SCARB1: variants seen among roughly 807,000 people sequenced by gnomAD.
SCARB1 encodes scavenger receptor class B member 1.
Under a neutral mutation model 57.2 loss-of-function variants are expected in SCARB1, and 30 were observed. The observed-to-expected ratio is 0.52, with a 90% confidence interval of 0.39 to 0.71. The LOEUF (loss-of-function observed/expected upper bound fraction) is 0.71, where lower values mean the gene tolerates loss of function less well. Among genes scored for constraint, SCARB1 ranks in the 30% least tolerant of loss-of-function variants. SCARB1 has a pLI of 0.00. For synonymous variants in SCARB1, 249 were observed against 268.3 expected (o/e 0.93, Z 0.70); for missense variants, 543 against 671.2 (o/e 0.81, Z 2.11).
In SCARB1 at chr12:124,807,691, G is replaced by C; in HGVS notation, c.1009+70C>G. The C allele has an allele frequency of 2.8e-6, 4 of 1,454,160 alleles. No homozygotes were observed. Among genetic ancestry groups the C allele is most frequent in the Non-Finnish European group, 3.8e-6 (4 of 1,040,546 alleles). 90.1% of individuals were successfully genotyped at this position (1,454,160 alleles called of 1,614,324 possible). A position where few individuals can be genotyped will look rare whatever the true frequency, so the allele number is the denominator to read the frequency against. ...GCCAGAGATTAAGCAGACAGCACTG[G>C]GCAGATAAACCCTCAGCTGGCCCCA... is the stretch of plus-strand genomic sequence containing the variant. On this transcript the variant is annotated intron_variant, in intron 7 of 12. Transcript: ENST00000261693. The surrounding 1 kb of genome is among the most constrained non-coding windows in gnomAD (Gnocchi z 5.3).
intron 7 of SCARB1, among the ~76,000 whole-genome samples, chr12:124,804,449 T>G (rs1297896656): frequency 2.0e-5 from 3 of 152,186 alleles, no homozygotes; most frequent in Non-Finnish European, 2.9e-5. Flanking sequence ...GCCCTGGAAT[T>G]TTTCATTACG....
chr12:124,802,948 G>A (rs753996597), intron 7 of SCARB1, among the ~76,000 whole-genome samples: 1 of 152,110 alleles, frequency 6.6e-6, no homozygotes, highest in Non-Finnish European at 1.5e-5. Context: ...CCACGGTCAC[G>A]GTCGAAAAAC....
chr12:124,804,493 G>T (rs543839771), intron 7 of SCARB1, among the ~76,000 whole-genome samples: 13 of 152,304 alleles, frequency 8.5e-5, no homozygotes, highest in African/African-American at 2.4e-4. Context: ...CCTAAATCAG[G>T]TGGAGTCCAG....
intron 1 of SCARB1, among the ~76,000 whole-genome samples, chr12:124,818,519 T>A (rs917731974): frequency 3.9e-5 from 6 of 152,204 alleles, no homozygotes; most frequent in African/African-American, 7.2e-5. Context: ...CAGGCTGGAG[T>A]GCAGTGGCAT....
chr12:124,844,490 C>T lies in SCARB1; in HGVS notation c.126+19105G>A, dbSNP rs983642075. 3.9e-5 allele frequency among the ~76,000 whole-genome samples: 6 copies of T among 152,162 alleles called. No homozygotes were observed. The East Asian group carries it at 1.2e-3, about 29-fold the overall frequency. ...CCCCCCAAAATTCCCATGTTGCAGC[C>T]CTAACCCTCGGTGCATCAGAATGTG... On this transcript the variant is annotated intron_variant, in intron 1 of 12. Coordinates refer to ENST00000261693, the MANE Select transcript of SCARB1 (RefSeq NM_005505.5).
chr12:124,816,822 G>A (rs980171304), intron 2 of SCARB1, among the ~76,000 whole-genome samples: 2 of 152,002 alleles, frequency 1.3e-5, no homozygotes, highest in Admixed American at 6.6e-5. Context: ...GTCTGCAGAC[G>A]GGCAAACTGA....
chr12:124,848,483 CCTT>C (rs1336163021), intron 1 of SCARB1, among the ~76,000 whole-genome samples: 1 of 147,728 alleles, frequency 6.8e-6, no homozygotes, highest in African/African-American at 2.5e-5. Flanking sequence ...ATCCTCGTGG[CCTT>C]CTTGAGTGGG....
intron 9 of SCARB1, among the ~76,000 whole-genome samples, chr12:124,792,681 C>T (rs1324134664): frequency 7.1e-6 from 1 of 140,996 alleles, no homozygotes. Context: ...GAGATCATGC[C>T]ACTGCACTCT....
At chr12:124,799,076 G>A (rs1419970355) in intron 8 of SCARB1, among the ~76,000 whole-genome samples, 1 of 152,184 alleles carries the variant, frequency 6.6e-6, no homozygotes, top group Non-Finnish European at 1.5e-5. Context: ...GTTGCTGACA[G>A]TAGATTTTAA....
chr12:124,838,341 TC>T (rs1951775398), intron 1 of SCARB1, among the ~76,000 whole-genome samples: 1 of 151,938 alleles, frequency 6.6e-6, no homozygotes, highest in South Asian at 2.1e-4. Context: ...CGTGACTGCC[TC>T]CCCATCCTCC....
At chr12:124,852,758 A>C (rs2135833376) in intron 1 of SCARB1, among the ~76,000 whole-genome samples, 1 of 152,366 alleles carries the variant, frequency 6.6e-6, no homozygotes, top group East Asian at 1.9e-4. Context: ...CAGATGGCGC[A>C]AGCCAGGCGC....
intron 11 of SCARB1, chr12:124,786,114 C>T (rs1245616923): frequency 2.0e-6 from 3 of 1,536,560 alleles, no homozygotes; most frequent in Non-Finnish European, 2.6e-6. Flanking sequence ...CACCTGTGCC[C>T]CCTCCAAGGG....
At chr12:124,833,792 G>T (rs1951516926) in intron 1 of SCARB1, among the ~76,000 whole-genome samples, 1 of 152,214 alleles carries the variant, frequency 6.6e-6, no homozygotes. Flanking sequence ...CTCTTTAATG[G>T]GAAGCTCCAC....
rs532320598 is a variant in SCARB1, at chr12:124,815,075, G to A, written c.324C>T (p.Asn108=). The part of the protein sequence containing the change: ...RHKSNITFNN[N]DTVSFLEYRT... ...GGTACTCGAGGAAGGACACGGTGTC[G>A]TTGTTGTTGAAGGTGATGTTGCTTT... is the stretch of plus-strand genomic sequence containing the variant. The change falls in exon 3 of 13, where the codon AAC becomes AAT. Residue 108 remains asparagine (N), a synonymous_variant. Coordinates refer to ENST00000261693, the MANE Select transcript of SCARB1 (RefSeq NM_005505.5). 2.5e-5 allele frequency: 41 copies of A among 1,614,092 alleles called. No homozygotes were observed. Among genetic ancestry groups the A allele is most frequent in the South Asian group, 8.8e-5 (8 of 91,084 alleles).
chr12:124,832,678 C>T (rs1951455321), intron 1 of SCARB1, among the ~76,000 whole-genome samples: 1 of 152,160 alleles, frequency 6.6e-6, no homozygotes, highest in Admixed American at 6.5e-5. Context: ...TTTTCCAGAA[C>T]ATTAAGGTCT....
chr12:124,797,487 C>T (rs1949982135), intron 8 of SCARB1, among the ~76,000 whole-genome samples: 1 of 152,212 alleles, frequency 6.6e-6, no homozygotes, highest in African/African-American at 2.4e-5. Flanking sequence ...AAATAAAGGC[C>T]ACTTCCTCTC....
intron 8 of SCARB1, among the ~76,000 whole-genome samples, chr12:124,799,107 T>A (rs936580207): frequency 1.3e-5 from 2 of 152,226 alleles, no homozygotes; most frequent in Non-Finnish European, 2.9e-5. Flanking sequence ...CACCAATACA[T>A]CATCAGTATG....
chr12:124,801,594 G>A (rs536701006), intron 7 of SCARB1, among the ~76,000 whole-genome samples: 3 of 151,982 alleles, frequency 2.0e-5, no homozygotes, highest in African/African-American at 7.2e-5. Flanking sequence ...ACCAGCCTGG[G>A]CAACATGGTG....
intron 11 of SCARB1, 84 bp downstream of exon 11, chr12:124,786,273 C>T (rs1291740981): frequency 6.2e-7 from 1 of 1,601,566 alleles, no homozygotes. Context: ...CTGCGGTTGG[C>T]CAGAGGGTCC....
Sources: gnomAD v4.1 joint callset for allele counts (sites outside exome capture counted in the v4.1 genomes callset) on GRCh38, gnomAD v4.1.1 for gene constraint, Gnocchi (gnomAD v3.1) non-coding constraint, MANE v1.5 for transcripts, NCBI Gene and HGNC (gene_info 2026-07-23, HGNC 2026-07-21) for gene names.